CYRIB: variants seen among roughly 807,000 people sequenced by gnomAD.
CYRIB encodes the protein CYFIP-related Rac1 interactor B.
CYRIB carries 8 observed loss-of-function variants against 44.2 expected under a neutral mutation model. The observed-to-expected ratio is 0.18, with a 90% CI of 0.11 to 0.33. CYRIB has a LOEUF of 0.33. Ranked by LOEUF, CYRIB falls within the 10% of genes least tolerant of loss-of-function variation. The pLI is 1.00. For missense variants in CYRIB, 185 were observed against 382.8 expected (o/e 0.48, Z 4.31); for synonymous variants, 131 against 127.2 (o/e 1.03, Z -0.20).
chr8:129,910,297 T>A (rs2077288204), intron 1 of CYRIB, among the ~76,000 whole-genome samples: 1 of 152,172 alleles, frequency 6.6e-6, no homozygotes, highest in Admixed American at 6.5e-5. Context: ...ACACCTTGAA[T>A]AATTATCTTA....
chr8:130,004,286 TAG>T (rs1426266387), intron 1 of CYRIB, among the ~76,000 whole-genome samples: 1 of 152,152 alleles, frequency 6.6e-6, no homozygotes, highest in Admixed American at 6.5e-5. Context: ...ATTTTTTGTT[TAG>T]AGACAGGGGT....
upstream of CYRIB, among the ~76,000 whole-genome samples, chr8:129,941,789 C>T (rs2093726349): frequency 6.6e-6 from 1 of 152,188 alleles, no homozygotes; most frequent in East Asian, 1.9e-4. Context: ...CTATCTCCCA[C>T]CAGAAGCAGA....
chr8:129,951,811 C>G (rs2094518100), intron 2 of CYRIB, among the ~76,000 whole-genome samples: 1 of 152,040 alleles, frequency 6.6e-6, no homozygotes. Flanking sequence ...CATTTGTCAC[C>G]TCCTAACATC....
intron 2 of CYRIB, among the ~76,000 whole-genome samples, chr8:129,892,911 G>C (rs2066100540): frequency 6.6e-6 from 1 of 152,182 alleles, no homozygotes; most frequent in Non-Finnish European, 1.5e-5. Context: ...ACAATCATAG[G>C]ATTGGGCAAC....
At chr8:129,893,265 AAAC>A (rs991115035) in intron 2 of CYRIB, among the ~76,000 whole-genome samples, 2 of 152,212 alleles carry the variant, frequency 1.3e-5, no homozygotes, top group Non-Finnish European at 2.9e-5. Context: ...GTTTTAAATC[AAAC>A]AACATTTACT....
chr8:130,002,214 A>C (rs1479335549), intron 1 of CYRIB, among the ~76,000 whole-genome samples: 1 of 152,222 alleles, frequency 6.6e-6, no homozygotes, highest in African/African-American at 2.4e-5. Flanking sequence ...TAATTCCAGC[A>C]CTTTGGGAAG....
exon 4 of CYRIB, chr8:129,871,384 T>C (rs565042987): frequency 6.2e-7 from 1 of 1,606,444 alleles, no homozygotes; most frequent in Admixed American, 1.7e-5. Context: ...CCTCTCGTAT[T>C]TCGTGGCCAG....
intron 1 of CYRIB, among the ~76,000 whole-genome samples, chr8:130,006,361 G>A (rs1013038049): frequency 6.0e-5 from 9 of 150,296 alleles, no homozygotes; most frequent in Non-Finnish European, 1.2e-4. Flanking sequence ...TGCACCTATA[G>A]TCCCATCTAC....
intron 2 of CYRIB, among the ~76,000 whole-genome samples, chr8:129,969,630 T>C (rs1043923832): frequency 2.0e-5 from 3 of 152,206 alleles, no homozygotes; most frequent in African/African-American, 7.2e-5. Flanking sequence ...AAACAAACCA[T>C]CTTTCATGAA....
chr8:129,883,930 C>G (rs1395978351), intron 2 of CYRIB, among the ~76,000 whole-genome samples: 3 of 152,200 alleles, frequency 2.0e-5, no homozygotes, highest in Non-Finnish European at 2.9e-5. Context: ...TCAGAGCAAC[C>G]TAACTAGGGG....
chr8:129,901,577 AAGGTCT>A (rs1473834480), intron 2 of CYRIB: 1 of 152,182 alleles, frequency 6.6e-6, no homozygotes, highest in Non-Finnish European at 1.5e-5. Flanking sequence ...ATGATGGAGA[AAGGTCT>A]AGCTGAATTT....
intron 4 of CYRIB, 82 bp downstream of exon 6, chr8:129,871,293 T>C (rs1250092514): frequency 4.1e-6 from 6 of 1,453,814 alleles, no homozygotes; most frequent in Non-Finnish European, 5.5e-6. Flanking sequence ...AATATAGAAT[T>C]CTGAAGTCTA....
chr8:129,867,848 T>C (rs1181801924), intron 4 of CYRIB, among the ~76,000 whole-genome samples: 1 of 152,164 alleles, frequency 6.6e-6, no homozygotes, highest in Non-Finnish European at 1.5e-5. Flanking sequence ...AAAATATAAG[T>C]ACCTGGTGCA....
At chr8:129,855,740 T>G in exon 6 of CYRIB, 1 of 1,602,800 alleles carries the variant, frequency 6.2e-7, no homozygotes. Context: ...GACCTCTTAA[T>G]GCTGCTTCTA....
chr8:129,938,223 C>G (rs981638226), intron 1 of CYRIB, among the ~76,000 whole-genome samples: 1 of 152,142 alleles, frequency 6.6e-6, no homozygotes, highest in African/African-American at 2.4e-5. Context: ...CCCCAGTTAT[C>G]AAGCAGTTCT....
intron 1 of CYRIB, among the ~76,000 whole-genome samples, chr8:129,990,454 A>C (rs1008285270): frequency 2.0e-5 from 3 of 151,584 alleles, no homozygotes; most frequent in African/African-American, 7.3e-5. Flanking sequence ...TAGGTAAAGA[A>C]CAATACGGTG....
chr8:129,880,960 C>A (rs545925747), intron 2 of CYRIB, among the ~76,000 whole-genome samples: 2 of 152,110 alleles, frequency 1.3e-5, no homozygotes, highest in Non-Finnish European at 2.9e-5. Context: ...TCTAAAAAAA[C>A]TTTACCACAC....
At chr8:129,988,043 G>A (rs1322829659) in intron 1 of CYRIB, among the ~76,000 whole-genome samples, 1 of 152,214 alleles carries the variant, frequency 6.6e-6, no homozygotes, top group Non-Finnish European at 1.5e-5. Context: ...ACACGAGGCG[G>A]TGTGGAGCAA....
intron 3 of CYRIB, among the ~76,000 whole-genome samples, chr8:129,879,068 A>G (rs2060048694): frequency 6.6e-6 from 1 of 152,172 alleles, no homozygotes; most frequent in South Asian, 2.1e-4. Flanking sequence ...CTATTAATAA[A>G]TCTTGAGGTA....
Sources: allele counts gnomAD v4.1 joint callset (sites outside exome capture counted in the v4.1 genomes callset), GRCh38; gene constraint gnomAD v4.1.1; transcripts MANE v1.5; gene names NCBI Gene and HGNC (gene_info 2026-07-23, HGNC 2026-07-21).